The following RFX3 variants were observed in gnomAD, a reference collection of about 807,000 sequenced individuals.
The protein encoded by RFX3 is transcription factor RFX3.
In RFX3, 14 loss-of-function variants were observed where a neutral mutation model predicts 98.6. The observed-to-expected ratio is 0.14, with a 90% CI of 0.09 to 0.22. RFX3 has a LOEUF of 0.22. Among genes scored for constraint, RFX3 ranks in the 10% least tolerant of loss-of-function variants. RFX3 has a pLI of 1.00. For synonymous variants in RFX3, 383 were observed against 328.4 expected, an observed-to-expected ratio of 1.17 and a Z score of -1.80; for missense variants, 639 against 926.9, an observed-to-expected ratio of 0.69 and a Z score of 4.03.
At chr9:3,237,071 T>C (rs1819258542) in intron 15 of RFX3, among the ~76,000 whole-genome samples, 1 of 152,212 alleles carries the variant, frequency 6.6e-6, no homozygotes, top group Non-Finnish European at 1.5e-5. Flanking sequence ...ATCCTTTCTC[T>C]CCACTTCACA....
chr9:3,407,554 G>A (rs961202790), intron 1 of RFX3, among the ~76,000 whole-genome samples: 8 of 152,078 alleles, frequency 5.3e-5, no homozygotes, highest in Non-Finnish European at 1.2e-4. Context: ...GGAGCAACAT[G>A]TTGTTTCATT....
chr9:3,417,998 T>C (rs1208123683), intron 1 of RFX3, among the ~76,000 whole-genome samples: 3 of 152,214 alleles, frequency 2.0e-5, no homozygotes, highest in African/African-American at 7.2e-5. Flanking sequence ...ACAAAATAGA[T>C]ATGCATATTT....
chr9:3,318,428 G>A (rs778385229), intron 4 of RFX3, among the ~76,000 whole-genome samples: 14 of 151,740 alleles, frequency 9.2e-5, no homozygotes, highest in Non-Finnish European at 2.1e-4. Flanking sequence ...TGTAAATGAC[G>A]AGTTAACGGG....
At chr9:3,284,494 T>C (rs1826318037) in intron 7 of RFX3, among the ~76,000 whole-genome samples, 1 of 151,704 alleles carries the variant, frequency 6.6e-6, no homozygotes, top group South Asian at 2.1e-4. Context: ...AAAAAACTGT[T>C]ACACAGTCTC....
At chr9:3,361,407 C>T (rs765245793) in intron 2 of RFX3, among the ~76,000 whole-genome samples, 1 of 151,912 alleles carries the variant, frequency 6.6e-6, no homozygotes, top group South Asian at 2.1e-4. Flanking sequence ...GAAGGGAAGA[C>T]ACAAGAAAAG....
intron 1 of RFX3, among the ~76,000 whole-genome samples, chr9:3,456,027 T>C (rs1847115850): frequency 6.6e-6 from 1 of 152,218 alleles, no homozygotes; most frequent in Non-Finnish European, 1.5e-5. Flanking sequence ...GGGCTGCATC[T>C]TCCAGAATGG....
chr9:3,311,910 G>A (rs1830010662), intron 4 of RFX3, among the ~76,000 whole-genome samples: 1 of 151,848 alleles, frequency 6.6e-6, no homozygotes, highest in East Asian at 1.9e-4. Context: ...AAAAAGAAAT[G>A]CCAAACAAAA....
rs540965516 is a variant in RFX3, at chr9:3,247,393, A to G, written c.1968+639T>C. 18 of 919,008 alleles carry G rather than the reference A, an allele frequency of 2.0e-5. No homozygotes were observed. The African/African-American group carries it at 2.7e-4, about 14-fold the overall frequency. The allele number at this position is 919,008 out of a possible 1,614,324, so 56.9% of individuals were successfully genotyped here. A position where few individuals can be genotyped will look rare whatever the true frequency, so the allele number is the denominator to read the frequency against. ...AAATCAGACTGTGTTTGAAAAAAAA[A>G]TCTCTACCATTTTTTAGCTGAGTAA... On this transcript the variant is annotated intron_variant, in intron 15 of 16. Coordinates refer to ENST00000617270, the MANE Select transcript of RFX3 (RefSeq NM_001282116.2).
At chr9:3,283,600 G>A (rs1826199263) in intron 7 of RFX3, among the ~76,000 whole-genome samples, 1 of 151,858 alleles carries the variant, frequency 6.6e-6, no homozygotes, top group South Asian at 2.1e-4. Flanking sequence ...AAAAGAACGT[G>A]CATGCTTTTA....
intron 15 of RFX3, among the ~76,000 whole-genome samples, chr9:3,237,119 A>C (rs1368327528): frequency 6.6e-6 from 1 of 152,212 alleles, no homozygotes; most frequent in Non-Finnish European, 1.5e-5. Context: ...CTACTATTTA[A>C]GATTTAATTC....
At chr9:3,436,951 T>TA (rs35142574) in intron 1 of RFX3, among the ~76,000 whole-genome samples, 128 of 151,846 alleles carry the variant, frequency 8.4e-4, no homozygotes, top group Middle Eastern at 6.8e-3. Flanking sequence ...TTAATTTTTT[T>TA]AAAAAAAATT....
At chr9:3,361,097 G>A (rs1836372982) in intron 2 of RFX3, among the ~76,000 whole-genome samples, 1 of 152,152 alleles carries the variant, frequency 6.6e-6, no homozygotes, top group South Asian at 2.1e-4. Flanking sequence ...AGAAATAGGA[G>A]AGCTCTTAGC....
chr9:3,393,878 A>C (rs1467491453), intron 2 of RFX3, among the ~76,000 whole-genome samples: 1 of 152,194 alleles, frequency 6.6e-6, no homozygotes, highest in East Asian at 1.9e-4. Flanking sequence ...TATTGGGTAC[A>C]ATGTTCACTA....
chr9:3,282,738 C>T (rs1826072426), intron 7 of RFX3, among the ~76,000 whole-genome samples: 1 of 151,758 alleles, frequency 6.6e-6, no homozygotes, highest in Non-Finnish European at 1.5e-5. Flanking sequence ...CCCTTTCCCA[C>T]CTTCTTTATT....
intron 4 of RFX3, among the ~76,000 whole-genome samples, chr9:3,306,264 C>A (rs1422087917): frequency 2.6e-5 from 4 of 151,952 alleles, no homozygotes; most frequent in African/African-American, 9.7e-5. Flanking sequence ...TAGCTTCATG[C>A]AACAAAAATG....
intron 8 of RFX3, among the ~76,000 whole-genome samples, chr9:3,276,830 C>G (rs1197342210): frequency 1.3e-5 from 2 of 151,964 alleles, no homozygotes. Flanking sequence ...GAAAAATATG[C>G]AAGTTTTTCT....
At chr9:3,234,417 T>G (rs558946234) in intron 15 of RFX3, among the ~76,000 whole-genome samples, 1 of 152,184 alleles carries the variant, frequency 6.6e-6, no homozygotes, top group Admixed American at 6.5e-5. Flanking sequence ...GGTGTGCGTA[T>G]TGCTTAAGCC....
rs144061241 is a variant in RFX3, at chr9:3,445,048, C to A, written c.-8-49452G>T. 7.9e-3 allele frequency among the ~76,000 whole-genome samples: 1,197 copies of A among 152,234 alleles called. 10 individuals carry two copies. The highest frequency in any genetic ancestry group is 0.026 in the East Asian group (135 of 5,180). On this transcript the variant is annotated intron_variant, in intron 1 of 16. Transcript: ENST00000617270. Reference sequence around the variant, plus strand: ...GGGGAGAAATACATTTAATCACATTCATGAAACTTAAAGCCATCAATACCC... The same window carrying A: ...GGGGAGAAATACATTTAATCACATTAATGAAACTTAAAGCCATCAATACCC...
chr9:3,363,304 C>G (rs140561491), intron 2 of RFX3, among the ~76,000 whole-genome samples: 47 of 152,202 alleles, frequency 3.1e-4, no homozygotes, highest in Non-Finnish European at 5.6e-4. Flanking sequence ...TGCAGCACAT[C>G]AAAATATCTA....
Sources: gnomAD v4.1 joint callset for allele counts (sites outside exome capture counted in the v4.1 genomes callset) on GRCh38, gnomAD v4.1.1 for gene constraint, MANE v1.5 for transcripts, NCBI Gene and HGNC (gene_info 2026-07-23, HGNC 2026-07-21) for gene names.